Variants in BICRA observed in about 807,000 individuals in gnomAD.
BICRA encodes the protein BRD4 interacting chromatin remodeling complex associated protein.
BICRA carries 31 observed loss-of-function variants against 96.9 expected under a neutral mutation model. That is an observed-to-expected ratio of 0.32 (90% CI 0.24 to 0.43). BICRA has a LOEUF of 0.43. BICRA is among the 20% of genes least tolerant of loss of function. BICRA has a pLI of 1.00. For missense variants in BICRA, 2,283 were observed against 2,190.3 expected (o/e 1.04, Z -0.84); for synonymous variants, 1,350 against 1,071.8 (o/e 1.26, Z -5.07).
intron 14 of BICRA, chr19:47,700,762 C>G (rs945968847): frequency 6.5e-6 from 1 of 153,406 alleles, no homozygotes; most frequent in Admixed American, 6.6e-5. Flanking sequence ...CTACTGCACT[C>G]CAGCCTGGGC....
intron 1 of BICRA, among the ~76,000 whole-genome samples, chr19:47,635,481 G>A (rs910871813): frequency 6.6e-6 from 1 of 151,372 alleles, no homozygotes; most frequent in Non-Finnish European, 1.5e-5. Flanking sequence ...TTGAACTCCT[G>A]GGCTCAAGCT....
At chr19:47,609,289 G>T (rs1436744781) in intron 1 of BICRA, 121 bp downstream of exon 1, 1 of 150,826 alleles carries the variant, frequency 6.6e-6, no homozygotes, top group East Asian at 2.0e-4. Flanking sequence ...GAGGGTGTGT[G>T]TGGGGGGAGC....
At chr19:47,676,536 C>T (rs973868070) in intron 5 of BICRA, among the ~76,000 whole-genome samples, 4 of 136,494 alleles carry the variant, frequency 2.9e-5, no homozygotes, top group South Asian at 2.6e-4. Context: ...GCTTTCCCCC[C>T]TTCACCTTTT....
intron 1 of BICRA, among the ~76,000 whole-genome samples, chr19:47,660,693 T>A (rs916374242): frequency 3.9e-5 from 6 of 152,036 alleles, no homozygotes; most frequent in Admixed American, 2.0e-4. Context: ...GGGGAACCTG[T>A]TGTAGTACAC....
At position 47,699,515 on chromosome 19, in the gene BICRA, C is replaced by A; in HGVS notation, c.3595+110C>A. Reference sequence around the variant, plus strand: ...GGGTGTGTGGCCCTACCTCACTCCACCACTAGGCGGTGCCCCAGCTCCACC... The same window carrying A: ...GGGTGTGTGGCCCTACCTCACTCCAACACTAGGCGGTGCCCCAGCTCCACC... On this transcript the variant is annotated intron_variant, in intron 14 of 14. Transcript: ENST00000594866. The surrounding 1 kb of genome is among the most constrained non-coding windows in gnomAD (Gnocchi z 5.0). 1.5e-6 allele frequency: 1 copy of A among 673,650 alleles called. No individual in the cohort carries two copies. The highest frequency in any genetic ancestry group is 2.3e-5 in the Admixed American group (1 of 43,382). 41.7% of individuals were successfully genotyped at this position (673,650 alleles called of 1,614,324 possible).
At chr19:47,683,282 C>G in intron 7 of BICRA, among the ~76,000 whole-genome samples, 2 of 152,152 alleles carry the variant, frequency 1.3e-5, no homozygotes, top group South Asian at 4.1e-4. Context: ...CCCCGCCCCC[C>G]GCAACCTCAC....
At chr19:47,628,994 C>T (rs1206194226) in intron 1 of BICRA, among the ~76,000 whole-genome samples, 2 of 151,884 alleles carry the variant, frequency 1.3e-5, no homozygotes, top group South Asian at 2.1e-4. Flanking sequence ...TCTTGCCCAA[C>T]TGAAACTTTA....
At chr19:47,695,342 T>TCCACCCC in intron 9 of BICRA, 23 bp from the exon 10 acceptor site, 6 of 630,198 alleles carry the variant, frequency 9.5e-6, no homozygotes, top group South Asian at 1.9e-5. Context: ...AGGCCCTGTC[T>TCCACCCC]CCCCCACCCC....
upstream of BICRA, among the ~76,000 whole-genome samples, chr19:47,608,632 C>T (rs1475357946): frequency 2.0e-5 from 3 of 152,054 alleles, no homozygotes; most frequent in Non-Finnish European, 4.4e-5. Context: ...CAAACTACAC[C>T]CGAGCTCGAG....
At chr19:47,652,899 C>A (rs1341113515) in intron 1 of BICRA, among the ~76,000 whole-genome samples, 2 of 152,016 alleles carry the variant, frequency 1.3e-5, no homozygotes, top group African/African-American at 4.8e-5. Flanking sequence ...ATGTCTCCTT[C>A]ACCCTTTTCT....
intron 1 of BICRA, among the ~76,000 whole-genome samples, chr19:47,622,298 T>C (rs1972076129): frequency 6.6e-6 from 1 of 151,598 alleles, no homozygotes; most frequent in Non-Finnish European, 1.5e-5. Context: ...TTCGCCGCCA[T>C]GTTGGCCAGG....
In BICRA at chr19:47,702,193, C is replaced by T. The variant is rs1448379855; in HGVS notation, c.4461C>T (p.Phe1487=). The change falls in exon 15 of 15, where the codon TTC becomes TTT. Residue 1487 remains phenylalanine (F), a synonymous_variant. Coordinates refer to ENST00000594866, the MANE Select transcript of BICRA (RefSeq NM_001394372.1). ...CGCCCGACGTGGACCAGGCCAGCTT[C>T]TCCAGCGACAGCCCGCAGGATGACA... ...SESPDVDQAS[F]SSDSPQDDTL... is the part of the protein sequence containing the mutation. 3 of 1,592,478 alleles carry T rather than the reference C, an allele frequency of 1.9e-6. No individual in the cohort carries two copies. Among genetic ancestry groups the T allele is most frequent in the South Asian group, 1.1e-5 (1 of 89,218 alleles).
chr19:47,629,015 T>G (rs1238592860), intron 1 of BICRA, among the ~76,000 whole-genome samples: 1 of 152,120 alleles, frequency 6.6e-6, no homozygotes, highest in African/African-American at 2.4e-5. Context: ...TTTATTTATT[T>G]TTTTGAGATG....
chr19:47,685,695 C>T (rs917692507), intron 7 of BICRA, among the ~76,000 whole-genome samples: 6 of 150,994 alleles, frequency 4.0e-5, no homozygotes, highest in African/African-American at 7.3e-5. Flanking sequence ...CCCCTGCACT[C>T]GGAAGGAACT....
intron 1 of BICRA, among the ~76,000 whole-genome samples, chr19:47,640,532 GA>G (rs11292760): frequency 0.44 from 49,164 of 110,666 alleles, 8,396 homozygotes; most frequent in Middle Eastern, 0.52. Flanking sequence ...TGTCTCAAAA[GA>G]AAAAAAAAAA....
intron 1 of BICRA, among the ~76,000 whole-genome samples, chr19:47,665,156 G>A (rs1303015242): frequency 6.6e-6 from 1 of 150,726 alleles, no homozygotes; most frequent in South Asian, 2.1e-4. Context: ...AGCCAGGGAT[G>A]GGGTCTGCCT....
chr19:47,640,886 CAG>C (rs943029567), intron 1 of BICRA, among the ~76,000 whole-genome samples: 4 of 143,386 alleles, frequency 2.8e-5, no homozygotes, highest in Non-Finnish European at 4.5e-5. Flanking sequence ...AGTCTGGAGT[CAG>C]AGTCAGATTT....
chr19:47,680,604 G>A lies in BICRA; in HGVS notation c.1434G>A (p.Pro478=), dbSNP rs1332643221. Reference sequence around the variant, plus strand: ...ACCAGTTCCTACTGCCTGGCGCCCCGGCGGTCCAGCTCCCGCAGCAGCTCT... The same window carrying A: ...ACCAGTTCCTACTGCCTGGCGCCCCAGCGGTCCAGCTCCCGCAGCAGCTCT... ...GQNQFLLPGA[P]AVQLPQQLSA... The change falls in exon 6 of 15, where the codon CCG becomes CCA. Residue 478 remains proline, a synonymous_variant. Transcript: ENST00000594866. The A allele has an allele frequency of 1.2e-6, 2 of 1,609,546 alleles. No individual in the cohort carries two copies. Among genetic ancestry groups the A allele is most frequent in the East Asian group, 2.2e-5 (1 of 44,758 alleles).
chr19:47,699,468 A>T lies in BICRA; in HGVS notation c.3595+63A>T. ...TGCCCCCACCCCACCTGGGCAGAAG[A>T]GTTAGATTCAGGGCGGGGAGTGGGT... On this transcript the variant is annotated intron_variant, in intron 14 of 14. Transcript: ENST00000594866. The surrounding 1 kb of genome is among the most constrained non-coding windows in gnomAD (Gnocchi z 5.0). 1.1e-6 allele frequency: 1 copy of T among 941,370 alleles called. No homozygotes were observed. Among genetic ancestry groups the T allele is most frequent in the East Asian group, 2.6e-5 (1 of 38,200 alleles). 58.3% of individuals were successfully genotyped at this position (941,370 alleles called of 1,614,324 possible). A position where few individuals can be genotyped will look rare whatever the true frequency, so the allele number is the denominator to read the frequency against.
Sources: gnomAD v4.1 joint callset for allele counts (sites outside exome capture counted in the v4.1 genomes callset) on GRCh38, gnomAD v4.1.1 for gene constraint, Gnocchi (gnomAD v3.1) non-coding constraint, MANE v1.5 for transcripts, NCBI Gene and HGNC (gene_info 2026-07-23, HGNC 2026-07-21) for gene names.